Variants in TP63 observed in about 807,000 individuals in gnomAD.
TP63 encodes the protein tumor protein p63.
Under a neutral mutation model 82.8 loss-of-function variants are expected in TP63, and 17 were observed. That is an observed-to-expected ratio of 0.21 (90% CI 0.14 to 0.31). The LOEUF is 0.31. Ranked by LOEUF, TP63 falls within the 10% of genes least tolerant of loss-of-function variation. The pLI is 1.00. For synonymous variants in TP63, 330 were observed against 321.7 expected (o/e 1.03, Z -0.28); for missense variants, 648 against 895.3 (o/e 0.72, Z 3.52).
the TP63 span, among the ~76,000 whole-genome samples, chr3:189,598,030 T>C: frequency 6.6e-6 from 1 of 152,016 alleles, no homozygotes; most frequent in Non-Finnish European, 1.5e-5. Context: ...ATGGAAGTTA[T>C]AGAACTGTAA....
chr3:189,647,192 G>T lies in TP63; in HGVS notation c.62+15615G>T, dbSNP rs1044935884. On this transcript the variant is annotated intron_variant, in intron 1 of 13. Coordinates refer to ENST00000264731, the MANE Select transcript of TP63 (RefSeq NM_003722.5). ...GTGGTTAGTTTTTAATACCCGGTAA[G>T]GAGGGTTGCTATAAGTAGATAGCAA... Among the ~76,000 whole-genome samples, 29 of 146,748 alleles carry T rather than the reference G, an allele frequency of 2.0e-4. 3 individuals are homozygous for T. Among genetic ancestry groups the T allele is most frequent in the African/African-American group, 7.4e-4 (29 of 39,186 alleles).
At chr3:189,782,139 T>A (rs1362931369) in intron 3 of TP63, among the ~76,000 whole-genome samples, 1 of 152,192 alleles carries the variant, frequency 6.6e-6, no homozygotes, top group Non-Finnish European at 1.5e-5. Context: ...AAGAGGGGTT[T>A]CATTTTTATG....
At chr3:189,692,051 C>A (rs993553946) in intron 1 of TP63, among the ~76,000 whole-genome samples, 3 of 152,124 alleles carry the variant, frequency 2.0e-5, no homozygotes, top group Non-Finnish European at 4.4e-5. Flanking sequence ...TTCGGAAGCA[C>A]CTATAATCTT....
intron 4 of TP63, among the ~76,000 whole-genome samples, chr3:189,830,985 A>G (rs1712242642): frequency 2.0e-5 from 3 of 152,206 alleles, no homozygotes; most frequent in Admixed American, 2.0e-4. Flanking sequence ...GGAAATGGAA[A>G]AACACCAAAG....
chr3:189,762,086 A>G (rs925724864), intron 3 of TP63, among the ~76,000 whole-genome samples: 2 of 152,152 alleles, frequency 1.3e-5, no homozygotes, highest in African/African-American at 2.4e-5. Flanking sequence ...CAGATGGCAA[A>G]TGTTTCCTAT....
At position 189,829,146 on chromosome 3, in the gene TP63, T is replaced by A. The variant is rs183608567; in HGVS notation, c.579+20620T>A. 8.9e-4 allele frequency among the ~76,000 whole-genome samples: 136 copies of A among 152,328 alleles called. 1 individual carries two copies. Among genetic ancestry groups the A allele is most frequent in the African/African-American group, 3.0e-3 (124 of 41,576 alleles). ...GTACCCAAAGAAGGATTCAAAAATC[T>A]TGGCAGATACCATATTACCAAATCT... On this transcript the variant is annotated intron_variant, in intron 4 of 13. Coordinates refer to ENST00000264731, the MANE Select transcript of TP63 (RefSeq NM_003722.5).
chr3:189,771,328 A>ATATAATATATTATATATTTAAG (rs1723341549), intron 3 of TP63, among the ~76,000 whole-genome samples: 1 of 132,694 alleles, frequency 7.5e-6, no homozygotes, highest in Non-Finnish European at 1.5e-5. Context: ...ATATATTTAT[A>ATATAATATATTATATATTTAAG]TATAATATAT....
intron 1 of TP63, among the ~76,000 whole-genome samples, chr3:189,719,392 T>C (rs889497263): frequency 6.6e-6 from 1 of 152,204 alleles, no homozygotes; most frequent in Admixed American, 6.5e-5. Flanking sequence ...CCATATTCAC[T>C]CTTTCATATC....
At chr3:189,606,800 C>T in the TP63 span, among the ~76,000 whole-genome samples, 4 of 151,950 alleles carry the variant, frequency 2.6e-5, no homozygotes, top group African/African-American at 4.8e-5. Context: ...TGTGCACCAC[C>T]GCGACGGGCC....
chr3:189,822,990 G>C (rs1728951893), intron 4 of TP63, among the ~76,000 whole-genome samples: 2 of 152,184 alleles, frequency 1.3e-5, no homozygotes, highest in South Asian at 4.1e-4. Context: ...TTTTAGATGA[G>C]AGAAACAATC....
intron 3 of TP63, among the ~76,000 whole-genome samples, chr3:189,798,941 T>G (rs1290823160): frequency 6.6e-6 from 1 of 152,076 alleles, no homozygotes; most frequent in South Asian, 2.1e-4. Context: ...AATTGCAAAG[T>G]AATCACTAAA....
chr3:189,724,982 C>A (rs1719667820), intron 1 of TP63, among the ~76,000 whole-genome samples: 1 of 152,122 alleles, frequency 6.6e-6, no homozygotes, highest in Non-Finnish European at 1.5e-5. Flanking sequence ...CAATCGATTT[C>A]TTTTTCTCCC....
chr3:189,614,891 G>A, the TP63 span, among the ~76,000 whole-genome samples: 2 of 152,148 alleles, frequency 1.3e-5, no homozygotes, highest in African/African-American at 4.8e-5. Context: ...AAGAAAGGCT[G>A]TGCCATCCAC....
At chr3:189,691,495 A>G (rs1384850545) in intron 1 of TP63, among the ~76,000 whole-genome samples, 2 of 152,170 alleles carry the variant, frequency 1.3e-5, no homozygotes, top group Non-Finnish European at 2.9e-5. Flanking sequence ...TAAGGTGTTT[A>G]GGAACATCTC....
chr3:189,771,687 T>C (rs904840962), intron 3 of TP63, among the ~76,000 whole-genome samples: 1 of 151,776 alleles, frequency 6.6e-6, no homozygotes, highest in East Asian at 1.9e-4. Flanking sequence ...CAACTCATGA[T>C]TGAATAGTCT....
At chr3:189,791,913 A>G (rs2108597318) in intron 3 of TP63, among the ~76,000 whole-genome samples, 1 of 152,220 alleles carries the variant, frequency 6.6e-6, no homozygotes, top group African/African-American at 2.4e-5. Context: ...GTAACTGTCA[A>G]TACAGAAAAA....
the TP63 span, among the ~76,000 whole-genome samples, chr3:189,613,179 A>G: frequency 2.0e-5 from 3 of 151,944 alleles, no homozygotes; most frequent in Non-Finnish European, 4.4e-5. Flanking sequence ...AGCTCCCCCA[A>G]TCACAGGCCC....
rs1248910656 is a variant in TP63 at position 189,884,963 on chromosome 3, T to C, written c.1350-1431T>C. 1.3e-5 allele frequency among the ~76,000 whole-genome samples: 2 copies of C among 152,196 alleles called. 1 individual carries two copies. The highest frequency in any genetic ancestry group is 4.8e-5 in the African/African-American group (2 of 41,454). ...AGCACCTAAGTGCTAGGGCCATTTT[T>C]AAAATGATTTTTTTCAAATATTATG... On this transcript the variant is annotated intron_variant, in intron 10 of 13. Coordinates refer to ENST00000264731, the MANE Select transcript of TP63 (RefSeq NM_003722.5).
intron 4 of TP63, among the ~76,000 whole-genome samples, chr3:189,841,378 G>C (rs1416955453): frequency 6.6e-6 from 1 of 152,154 alleles, no homozygotes; most frequent in Non-Finnish European, 1.5e-5. Context: ...TATACAGATG[G>C]GTGAGTGATG....
Sources: allele counts gnomAD v4.1 joint callset (sites outside exome capture counted in the v4.1 genomes callset), GRCh38; gene constraint gnomAD v4.1.1; transcripts MANE v1.5; gene names NCBI Gene and HGNC (gene_info 2026-07-23, HGNC 2026-07-21).